The following HTR2C variants were observed in gnomAD, a reference collection of about 807,000 sequenced individuals.
The protein encoded by HTR2C is 5-hydroxytryptamine receptor 2C.
Under a neutral mutation model 21.0 loss-of-function variants are expected in HTR2C, and 5 were observed. That is an observed-to-expected ratio of 0.24 (90% CI 0.12 to 0.50). The LOEUF is 0.50. HTR2C is among the 20% of genes least tolerant of loss of function. The pLI, the probability that HTR2C is intolerant of heterozygous loss-of-function variation, is 0.98. For synonymous variants in HTR2C, 150 were observed against 145.3 expected (o/e 1.03, Z -0.23); for missense variants, 271 against 371.2 (o/e 0.73, Z 2.22).
intron 2 of HTR2C, among the ~76,000 whole-genome samples, chrX:114,704,554 A>G (rs1932699893): frequency 8.9e-6 from 1 of 111,921 alleles, no homozygotes; most frequent in Non-Finnish European, 1.9e-5. Flanking sequence ...GATGGGATGT[A>G]TCTCAAAATA....
At chrX:114,676,165 C>T (rs1931555730) in intron 2 of HTR2C, among the ~76,000 whole-genome samples, 1 of 111,546 alleles carries the variant, frequency 9.0e-6, no homozygotes. Flanking sequence ...CCACCGCGCT[C>T]AGCCTTTAAG....
chrX:114,721,589 G>A (rs1933218094), intron 2 of HTR2C, among the ~76,000 whole-genome samples: 1 of 106,400 alleles, frequency 9.4e-6, no homozygotes. Flanking sequence ...TGAAGTCCTT[G>A]CCCATGCCTA....
intron 5 of HTR2C, among the ~76,000 whole-genome samples, chrX:114,894,195 CA>C (rs199508292): frequency 9.0e-6 from 1 of 110,932 alleles, no homozygotes; most frequent in Non-Finnish European, 1.9e-5. Context: ...TGTCTACACA[CA>C]AAAAAAATCT....
chrX:114,854,553 C>T (rs1447700434), intron 5 of HTR2C, among the ~76,000 whole-genome samples: 1 of 110,485 alleles, frequency 9.1e-6, no homozygotes, highest in Admixed American at 9.7e-5. Context: ...TCTCATCCCT[C>T]TCACCATATA....
intron 5 of HTR2C, among the ~76,000 whole-genome samples, chrX:114,859,717 CTACT>C (rs1293582345): frequency 9.0e-6 from 1 of 110,831 alleles, no homozygotes; most frequent in Non-Finnish European, 1.9e-5. Flanking sequence ...CTCCTTCTTT[CTACT>C]TACTTTGGGT....
intron 2 of HTR2C, among the ~76,000 whole-genome samples, chrX:114,634,896 T>C (rs1282467115): frequency 8.9e-6 from 1 of 112,314 alleles, no homozygotes; most frequent in East Asian, 2.8e-4. Context: ...TTTCATTCAG[T>C]GTAATCTGTA....
chrX:114,866,142 A>G (rs2071044020), intron 5 of HTR2C, among the ~76,000 whole-genome samples: 1 of 111,324 alleles, frequency 9.0e-6, no homozygotes, highest in Non-Finnish European at 1.9e-5. Context: ...AAATATTTTC[A>G]TTGTCAGTGA....
intron 4 of HTR2C, among the ~76,000 whole-genome samples, chrX:114,772,478 G>A (rs1293760772): frequency 6.8e-5 from 4 of 58,497 alleles, no homozygotes; most frequent in Non-Finnish European, 1.0e-4. Flanking sequence ...GTGGCGGGGC[G>A]GGGCGTGGTG....
intron 4 of HTR2C, among the ~76,000 whole-genome samples, chrX:114,777,242 G>A (rs1168690411): frequency 9.0e-6 from 1 of 111,412 alleles, no homozygotes; most frequent in African/African-American, 3.3e-5. Context: ...TCTAAGACAT[G>A]CTTTAGTCTG....
intron 5 of HTR2C, among the ~76,000 whole-genome samples, chrX:114,857,628 C>T (rs1179140120): frequency 9.0e-6 from 1 of 110,917 alleles, no homozygotes; most frequent in Admixed American, 9.6e-5. Context: ...GATAAGAGTT[C>T]TTTGTCGGAT....
chrX:114,728,492 A>T, intron 3 of HTR2C, among the ~76,000 whole-genome samples: 1 of 111,234 alleles, frequency 9.0e-6, no homozygotes, highest in Middle Eastern at 6.2e-3. Flanking sequence ...AAAAATCATA[A>T]AATCTTGTCT....
chrX:114,830,130 A>G (rs191557756), intron 4 of HTR2C, among the ~76,000 whole-genome samples: 2 of 111,805 alleles, frequency 1.8e-5, no homozygotes, highest in African/African-American at 6.5e-5. Context: ...TCAAAATTTT[A>G]GTTGCCTGCA....
At chrX:114,688,610 G>T (rs1378887546) in intron 2 of HTR2C, among the ~76,000 whole-genome samples, 1 of 111,731 alleles carries the variant, frequency 9.0e-6, no homozygotes, top group East Asian at 2.8e-4. Flanking sequence ...TTGATAAGGT[G>T]AATTCTAATT....
chrX:114,893,308 A>G (rs1556483211), intron 5 of HTR2C, among the ~76,000 whole-genome samples: 1 of 111,786 alleles, frequency 8.9e-6, no homozygotes, highest in Non-Finnish European at 1.9e-5. Flanking sequence ...CTCAAGACAT[A>G]CAATATAGCT....
At chrX:114,813,599 A>G (rs2070555214) in intron 4 of HTR2C, among the ~76,000 whole-genome samples, 1 of 111,823 alleles carries the variant, frequency 8.9e-6, no homozygotes, top group African/African-American at 3.3e-5. Flanking sequence ...TGGTCAGACA[A>G]CGATCTCTTT....
intron 2 of HTR2C, among the ~76,000 whole-genome samples, chrX:114,665,378 G>T (rs905188505): frequency 2.7e-5 from 3 of 111,869 alleles, no homozygotes; most frequent in Non-Finnish European, 5.6e-5. Context: ...CAAAACAATG[G>T]ACTGGCATAA....
At chrX:114,750,705 T>A (rs2069753077) in intron 4 of HTR2C, among the ~76,000 whole-genome samples, 1 of 112,336 alleles carries the variant, frequency 8.9e-6, no homozygotes, top group Admixed American at 9.5e-5. Flanking sequence ...ACATAATTCG[T>A]ATATTGTAGA....
intron 2 of HTR2C, among the ~76,000 whole-genome samples, chrX:114,647,402 C>A (rs1930402629): frequency 9.0e-6 from 1 of 111,532 alleles, no homozygotes; most frequent in South Asian, 3.8e-4. Context: ...AATAATTTGA[C>A]AACATGCTTT....
intron 2 of HTR2C, among the ~76,000 whole-genome samples, chrX:114,664,207 T>G (rs908939262): frequency 6.2e-5 from 7 of 112,071 alleles, no homozygotes; most frequent in Non-Finnish European, 1.1e-4. Context: ...CATTTTATTG[T>G]TTTTTTCTTC....
Sources: allele counts gnomAD v4.1 joint callset (sites outside exome capture counted in the v4.1 genomes callset), GRCh38; gene constraint gnomAD v4.1.1; transcripts MANE v1.5; gene names NCBI Gene and HGNC (gene_info 2026-07-23, HGNC 2026-07-21).